The following RAPGEF2 variants were observed in gnomAD, a reference collection of about 807,000 sequenced individuals.
The protein encoded by RAPGEF2 is Rap guanine nucleotide exchange factor 2, also known as PDZ domain containing guanine nucleotide exchange factor (GEF) 1.
RAPGEF2 carries 54 observed loss-of-function variants against 186.7 expected under a neutral mutation model. The ratio of observed to expected loss-of-function variants is 0.29; its 90% CI spans 0.23 to 0.36. RAPGEF2 has a LOEUF of 0.36. Ranked by LOEUF, RAPGEF2 falls within the 10% of genes least tolerant of loss-of-function variation. The probability of loss-of-function intolerance (pLI) is 1.00; values close to 1 mark genes in which losing one functional copy is unlikely to be tolerated. For missense variants in RAPGEF2, 1,532 were observed against 2,045.0 expected (o/e 0.75, Z 4.84); for synonymous variants, 712 against 705.9 (o/e 1.01, Z -0.14).
intron 1 of RAPGEF2, among the ~76,000 whole-genome samples, chr4:159,155,122 T>C (rs1207057523): frequency 6.6e-6 from 1 of 152,168 alleles, no homozygotes; most frequent in East Asian, 1.9e-4. Flanking sequence ...ATTAACACAG[T>C]GAAACTGTCA....
intron 7 of RAPGEF2, among the ~76,000 whole-genome samples, chr4:159,292,220 ATC>A (rs1418103975): frequency 1.3e-5 from 2 of 152,176 alleles, no homozygotes; most frequent in Admixed American, 6.5e-5. Flanking sequence ...ACCCCTGAAT[ATC>A]TCTCTGCCCC....
At chr4:159,342,908 T>C in intron 20 of RAPGEF2, 71 bp from the exon 21 acceptor site, 1 of 1,308,312 alleles carries the variant, frequency 7.6e-7, no homozygotes, top group Non-Finnish European at 1.1e-6. Flanking sequence ...ATAGAGATGT[T>C]ATATGTCAAT....
intron 25 of RAPGEF2, among the ~76,000 whole-genome samples, chr4:159,348,626 G>A (rs183305647): frequency 2.4e-4 from 36 of 152,204 alleles, no homozygotes; most frequent in African/African-American, 7.7e-4. Flanking sequence ...CCTGCAGTCT[G>A]TATCGTCTTT....
intron 1 of RAPGEF2, among the ~76,000 whole-genome samples, chr4:159,136,837 TA>T (rs1375081291): frequency 1.3e-5 from 2 of 152,324 alleles, no homozygotes; most frequent in African/African-American, 4.8e-5. Flanking sequence ...CCTTAAGGAA[TA>T]ATTTTTGGAA....
At chr4:159,193,278 G>A (rs1748300940) in intron 3 of RAPGEF2, 22 bp downstream of exon 3, 2 of 1,434,868 alleles carry the variant, frequency 1.4e-6, no homozygotes, top group Non-Finnish European at 9.2e-7. Flanking sequence ...CTTTTTGTTT[G>A]TACAATGTAT....
rs1272390951 is a variant in RAPGEF2 at position 159,171,315 on chromosome 4, AAG to A, written c.70-15325_70-15324del. Among the ~76,000 whole-genome samples, 5 of 152,212 alleles carry A rather than the reference AAG, an allele frequency of 3.3e-5. No individual in the cohort carries two copies. In the East Asian group the frequency reaches 9.6e-4, roughly 29 times the overall value. On this transcript the variant is annotated intron_variant, in intron 1 of 29. Coordinates refer to ENST00000691494, the MANE Select transcript of RAPGEF2 (RefSeq NM_001394067.2). Reference sequence around the variant, plus strand: ...ATGTTCCACATGCCAGTGTTCATAAAAGAAAGTGCCTACTACACGTCAAGGCA... The same window carrying A: ...ATGTTCCACATGCCAGTGTTCATAAAAAAGTGCCTACTACACGTCAAGGCA...
intron 4 of RAPGEF2, among the ~76,000 whole-genome samples, chr4:159,230,945 T>G (rs1019094840): frequency 1.3e-5 from 2 of 152,178 alleles, no homozygotes; most frequent in Non-Finnish European, 2.9e-5. Context: ...ATGTGTTCAG[T>G]GAACATTTGG....
intron 1 of RAPGEF2, among the ~76,000 whole-genome samples, chr4:159,136,281 A>G (rs1351789509): frequency 3.3e-5 from 5 of 152,198 alleles, no homozygotes; most frequent in Non-Finnish European, 5.9e-5. Flanking sequence ...TAGCAGAGTC[A>G]TTATTCGTAT....
intron 7 of RAPGEF2, among the ~76,000 whole-genome samples, chr4:159,262,909 A>G (rs1386833490): frequency 1.3e-5 from 2 of 151,978 alleles, no homozygotes; most frequent in Non-Finnish European, 2.9e-5. Context: ...GGTTTTTCTG[A>G]TACTGAACAT....
chr4:159,211,402 AATTTTAAGTATTTTT>A (rs534936642), intron 4 of RAPGEF2, among the ~76,000 whole-genome samples: 212 of 152,042 alleles, frequency 1.4e-3, no homozygotes, highest in Middle Eastern at 3.4e-3. Context: ...AAGGTTTTAA[AATTTTAAGTATTTTT>A]ATTTTAAATT....
chr4:159,202,173 C>T (rs1579450605), intron 3 of RAPGEF2, among the ~76,000 whole-genome samples: 1 of 152,138 alleles, frequency 6.6e-6, no homozygotes, highest in Admixed American at 6.5e-5. Context: ...CTTTTTGCTT[C>T]TCTGTTTTAA....
At chr4:159,227,690 T>C (rs1752187928) in intron 4 of RAPGEF2, among the ~76,000 whole-genome samples, 1 of 152,170 alleles carries the variant, frequency 6.6e-6, no homozygotes, top group Non-Finnish European at 1.5e-5. Context: ...TCTTTGCTGG[T>C]TTAGATTGTG....
At chr4:159,185,212 C>CCTGTG (rs374018432) in intron 1 of RAPGEF2, among the ~76,000 whole-genome samples, 1 of 152,226 alleles carries the variant, frequency 6.6e-6, no homozygotes, top group African/African-American at 2.4e-5. Flanking sequence ...TCATACATTA[C>CCTGTG]CTGTGGGATT....
intron 17 of RAPGEF2, among the ~76,000 whole-genome samples, chr4:159,335,825 G>C (rs908966199): frequency 1.6e-5 from 2 of 122,858 alleles, no homozygotes; most frequent in Non-Finnish European, 3.2e-5. Context: ...GACAGAGGGA[G>C]ACTCCGTCTC....
intron 7 of RAPGEF2, among the ~76,000 whole-genome samples, chr4:159,284,129 A>G (rs1760109321): frequency 6.6e-6 from 1 of 152,190 alleles, no homozygotes; most frequent in African/African-American, 2.4e-5. Flanking sequence ...AAGCTCTGAA[A>G]TCTGTCTTCA....
chr4:159,144,253 G>A, intron 1 of RAPGEF2, among the ~76,000 whole-genome samples: 1 of 152,106 alleles, frequency 6.6e-6, no homozygotes, highest in East Asian at 1.9e-4. Flanking sequence ...ACTTACCTTA[G>A]TCTTACTGTA....
chr4:159,347,028 G>T, intron 25 of RAPGEF2, 30 bp downstream of exon 25: 1 of 1,582,422 alleles, frequency 6.3e-7, no homozygotes, highest in Non-Finnish European at 8.7e-7. Context: ...TCTTTTTTTG[G>T]TGCCATTCAC....
At chr4:159,199,145 T>TTG (rs1210994728) in intron 3 of RAPGEF2, among the ~76,000 whole-genome samples, 4 of 151,716 alleles carry the variant, frequency 2.6e-5, no homozygotes, top group Non-Finnish European at 5.9e-5. Flanking sequence ...TTGCATGGAA[T>TTG]TGTAGGACAC....
chr4:159,293,526 T>C (rs1256115771), intron 7 of RAPGEF2, among the ~76,000 whole-genome samples: 1 of 152,200 alleles, frequency 6.6e-6, no homozygotes, highest in African/African-American at 2.4e-5. Flanking sequence ...CACAGTCCCA[T>C]GAAATAGGAT....
Sources: gnomAD v4.1 joint callset for allele counts (sites outside exome capture counted in the v4.1 genomes callset) on GRCh38, gnomAD v4.1.1 for gene constraint, MANE v1.5 for transcripts, NCBI Gene and HGNC (gene_info 2026-07-23, HGNC 2026-07-21) for gene names.